The following CEP85L variants were observed in gnomAD, a reference collection of about 807,000 sequenced individuals.
CEP85L encodes the protein centrosomal protein of 85 kDa-like.
A neutral mutation model predicts 100.3 loss-of-function variants in CEP85L; 60 were observed. The observed-to-expected ratio is 0.60, with a 90% CI of 0.49 to 0.74. The LOEUF is 0.74. Among genes scored for constraint, CEP85L ranks in the 30% least tolerant of loss-of-function variants. The pLI, the probability that CEP85L is intolerant of heterozygous loss-of-function variation, is 0.00. For missense variants in CEP85L, 973 were observed against 936.2 expected, an observed-to-expected ratio of 1.04 and a Z score of -0.51; for synonymous variants, 319 against 322.7, an observed-to-expected ratio of 0.99 and a Z score of 0.12.
intron 4 of CEP85L, among the ~76,000 whole-genome samples, chr6:118,520,737 T>A (rs1232444608): frequency 6.6e-6 from 1 of 152,218 alleles, no homozygotes; most frequent in African/African-American, 2.4e-5. Context: ...ACTCCACTTT[T>A]ACGAGCTAAA....
chr6:118,675,635 G>A (rs1356265221), intron 1 of CEP85L, among the ~76,000 whole-genome samples: 1 of 151,698 alleles, frequency 6.6e-6, no homozygotes, highest in Non-Finnish European at 1.5e-5. Flanking sequence ...GGGCACAGTG[G>A]CTAACCCTTG....
At chr6:118,609,173 A>C (rs1056638673) in intron 2 of CEP85L, among the ~76,000 whole-genome samples, 1 of 152,230 alleles carries the variant, frequency 6.6e-6, no homozygotes, top group African/African-American at 2.4e-5. Context: ...TATGTGACTA[A>C]ATGAACAGCA....
At chr6:118,608,270 C>A (rs1223719520) in intron 2 of CEP85L, among the ~76,000 whole-genome samples, 1 of 152,066 alleles carries the variant, frequency 6.6e-6, no homozygotes, top group Non-Finnish European at 1.5e-5. Flanking sequence ...CCGAGGCAGG[C>A]GGATCACGAG....
At chr6:118,659,965 T>G (rs1375280661) in intron 1 of CEP85L, among the ~76,000 whole-genome samples, 1 of 152,224 alleles carries the variant, frequency 6.6e-6, no homozygotes, top group African/African-American at 2.4e-5. Context: ...TACCACATAA[T>G]TTTTTTAAAA....
intron 2 of CEP85L, among the ~76,000 whole-genome samples, chr6:118,609,482 T>C (rs1002955869): frequency 5.3e-5 from 8 of 152,300 alleles, no homozygotes; most frequent in East Asian, 3.9e-4. Context: ...TTTGACAATC[T>C]CTTTTTAAGT....
chr6:118,496,345 T>TTATTTTA (rs1199390778), intron 5 of CEP85L, among the ~76,000 whole-genome samples: 3 of 150,356 alleles, frequency 2.0e-5, no homozygotes, highest in Non-Finnish European at 4.4e-5. Context: ...TTGTGTTATT[T>TTATTTTA]TATTTTATAT....
At chr6:118,677,168 C>T (rs1175892161) in intron 1 of CEP85L, among the ~76,000 whole-genome samples, 3 of 152,002 alleles carry the variant, frequency 2.0e-5, no homozygotes, top group Non-Finnish European at 2.9e-5. Flanking sequence ...TCAAGTTCCT[C>T]ATCTGCTTAA....
At chr6:118,566,831 T>TA (rs1264335103) in intron 2 of CEP85L, among the ~76,000 whole-genome samples, 2 of 152,202 alleles carry the variant, frequency 1.3e-5, no homozygotes, top group Admixed American at 6.5e-5. Context: ...GGATACCTAA[T>TA]AGAGTATATG....
intron 2 of CEP85L, among the ~76,000 whole-genome samples, chr6:118,616,870 G>A (rs751089795): frequency 9.3e-5 from 14 of 151,296 alleles, no homozygotes; most frequent in Admixed American, 2.0e-4. Flanking sequence ...ACTTGAACCC[G>A]GGAGGCGGAG....
intron 1 of CEP85L, among the ~76,000 whole-genome samples, chr6:118,650,346 C>T (rs1481876569): frequency 6.6e-6 from 1 of 152,142 alleles, no homozygotes; most frequent in Non-Finnish European, 1.5e-5. Context: ...CAACCCAAGA[C>T]TTATTTTTTA....
Position 118,482,322 on chromosome 6 carries a change from C to T in CEP85L, c.1591-389G>A, listed in dbSNP as rs144539107. The stretch of plus-strand genomic sequence containing the variant: ...CTAATCTCCAGAACTCTTCATCTTG[C>T]ATAATTGAAACTCTATATCAATTAA... On this transcript the variant is annotated intron_variant, in intron 7 of 12. Coordinates refer to ENST00000368491, the MANE Select transcript of CEP85L (RefSeq NM_001042475.3). Among the ~76,000 whole-genome samples the T allele has an allele frequency of 3.2e-4, 49 of 152,300 alleles. No individual in the cohort carries two copies. The East Asian group carries it at 9.4e-3, about 29-fold the overall frequency.
At chr6:118,624,293 C>T (rs1264251700) in intron 2 of CEP85L, among the ~76,000 whole-genome samples, 1 of 152,076 alleles carries the variant, frequency 6.6e-6, no homozygotes, top group Non-Finnish European at 1.5e-5. Context: ...GTATACTAAC[C>T]ATACCCTTTG....
chr6:118,693,228 T>C (rs1583266003), intron 1 of CEP85L, among the ~76,000 whole-genome samples: 1 of 152,258 alleles, frequency 6.6e-6, no homozygotes, highest in Non-Finnish European at 1.5e-5. Context: ...CACAGCTTTA[T>C]GGAAGGAATT....
chr6:118,651,703 GCGGGGA>G, upstream of CEP85L: 2 of 972,980 alleles, frequency 2.1e-6, no homozygotes, highest in Non-Finnish European at 2.4e-6. Context: ...ACTGCGGGGG[GCGGGGA>G]CTGCGGGGGG....
intron 3 of CEP85L, among the ~76,000 whole-genome samples, chr6:118,556,635 G>T (rs562590618): frequency 6.6e-6 from 1 of 152,256 alleles, no homozygotes; most frequent in African/African-American, 2.4e-5. Context: ...GGGCTTTTAT[G>T]GGATGTATAA....
intron 2 of CEP85L, among the ~76,000 whole-genome samples, chr6:118,572,057 T>C (rs1184977039): frequency 6.6e-6 from 1 of 152,004 alleles, no homozygotes; most frequent in Non-Finnish European, 1.5e-5. Flanking sequence ...GGTTTCTCCA[T>C]GTTGGTCAGG....
chr6:118,590,007 C>G (rs1479058243), intron 2 of CEP85L, among the ~76,000 whole-genome samples: 2 of 152,040 alleles, frequency 1.3e-5, no homozygotes. Flanking sequence ...ACTATTGAGG[C>G]CAGTTCTGGG....
chr6:118,504,669 G>A, intron 5 of CEP85L, among the ~76,000 whole-genome samples: 1 of 152,218 alleles, frequency 6.6e-6, no homozygotes, highest in Non-Finnish European at 1.5e-5. Flanking sequence ...CAGGGAGGGA[G>A]TTATGTGAAC....
At chr6:118,572,904 T>C (rs1779990441) in intron 2 of CEP85L, among the ~76,000 whole-genome samples, 1 of 151,314 alleles carries the variant, frequency 6.6e-6, no homozygotes, top group South Asian at 2.1e-4. Context: ...CTACTAAAAA[T>C]ACAAAAAATT....
Sources: gnomAD v4.1 joint callset for allele counts (sites outside exome capture counted in the v4.1 genomes callset) on GRCh38, gnomAD v4.1.1 for gene constraint, MANE v1.5 for transcripts, NCBI Gene and HGNC (gene_info 2026-07-23, HGNC 2026-07-21) for gene names.